Variants in UMAD1 observed in about 807,000 individuals in gnomAD.
UMAD1 encodes the protein UBAP1-MVB12-associated (UMA)-domain containing protein 1.
A neutral mutation model predicts 6.1 loss-of-function variants in UMAD1; 8 were observed. The observed-to-expected ratio is 1.30, with a 90% CI of 0.76 to 2.35. UMAD1 has a LOEUF of 2.35. Ranked by LOEUF, UMAD1 falls within the 30% of genes most tolerant of loss-of-function variation. UMAD1 has a pLI of 0.00. For missense variants in UMAD1, 130 were observed against 78.4 expected (o/e 1.66, Z -2.49); for synonymous variants, 56 against 31.4 (o/e 1.78, Z -2.61).
intron 3 of UMAD1, among the ~76,000 whole-genome samples, chr7:7,874,264 C>G (rs933283147): frequency 1.3e-5 from 2 of 152,200 alleles, no homozygotes; most frequent in Non-Finnish European, 2.9e-5. Flanking sequence ...CTGCTCTAAT[C>G]GACTTCATAA....
At chr7:7,753,071 A>G (rs17137257) in intron 2 of UMAD1, among the ~76,000 whole-genome samples, 22,955 of 152,144 alleles carry the variant, frequency 0.15, 1,809 homozygotes, top group Middle Eastern at 0.19. Flanking sequence ...GTAAGCCCAA[A>G]AAGAAAATAC....
intron 3 of UMAD1, among the ~76,000 whole-genome samples, chr7:7,838,944 A>G (rs1326263980): frequency 2.6e-5 from 4 of 152,216 alleles, no homozygotes; most frequent in Non-Finnish European, 5.9e-5. Context: ...ATGTAGCTAT[A>G]AAGAAGAGCA....
At chr7:7,779,881 C>T (rs1289745553) in intron 2 of UMAD1, among the ~76,000 whole-genome samples, 1 of 152,110 alleles carries the variant, frequency 6.6e-6, no homozygotes, top group Non-Finnish European at 1.5e-5. Context: ...TGAACTCAAG[C>T]GATCCGCCAG....
intron 3 of UMAD1, among the ~76,000 whole-genome samples, chr7:7,876,467 G>A (rs936012306): frequency 6.6e-6 from 1 of 152,166 alleles, no homozygotes; most frequent in Non-Finnish European, 1.5e-5. Context: ...GGTTCCAGGT[G>A]CTTGTAGTGG....
chr7:7,675,998 C>G, intron 2 of UMAD1: 2 of 395,366 alleles, frequency 5.1e-6, no homozygotes, highest in Non-Finnish European at 8.9e-6. Context: ...GGTACCATTA[C>G]TCTCCTGAAG....
chr7:7,840,811 T>C (rs961764815), intron 3 of UMAD1, among the ~76,000 whole-genome samples: 3 of 152,166 alleles, frequency 2.0e-5, no homozygotes, highest in African/African-American at 7.2e-5. Flanking sequence ...AAGTTCCTAA[T>C]AAAGTTTGGC....
intron 2 of UMAD1, among the ~76,000 whole-genome samples, chr7:7,766,267 G>C (rs1220335786): frequency 6.6e-6 from 1 of 152,126 alleles, no homozygotes; most frequent in Non-Finnish European, 1.5e-5. Context: ...CTTATTCCAG[G>C]CATGCCCAAT....
intron 3 of UMAD1, among the ~76,000 whole-genome samples, chr7:7,849,604 TA>T (rs1783875346): frequency 6.6e-6 from 1 of 152,120 alleles, no homozygotes; most frequent in Non-Finnish European, 1.5e-5. Flanking sequence ...GTGTCTACTG[TA>T]TACCAGGTAT....
chr7:7,844,558 A>G (rs908092562), intron 3 of UMAD1, among the ~76,000 whole-genome samples: 2 of 152,186 alleles, frequency 1.3e-5, no homozygotes, highest in African/African-American at 4.8e-5. Context: ...ATTGATGTTA[A>G]GATCAAAATG....
At chr7:7,642,805 A>G (rs761465523) in intron 1 of UMAD1, among the ~76,000 whole-genome samples, 1 of 152,186 alleles carries the variant, frequency 6.6e-6, no homozygotes, top group South Asian at 2.1e-4. Flanking sequence ...CCTCCTTGCT[A>G]CAGCCATAAG....
intron 1 of UMAD1, among the ~76,000 whole-genome samples, chr7:7,648,169 C>G (rs77780756): frequency 0.011 from 1,643 of 152,308 alleles, 31 homozygotes; most frequent in African/African-American, 0.036. Context: ...TCATTTCGTT[C>G]TAAATCAGGA....
At chr7:7,802,832 A>G (rs908516406) in intron 3 of UMAD1, among the ~76,000 whole-genome samples, 1 of 152,238 alleles carries the variant, frequency 6.6e-6, no homozygotes, top group African/African-American at 2.4e-5. Context: ...CAGTACAATC[A>G]TGAGTAATAA....
chr7:7,715,828 T>C (rs1370999597), intron 2 of UMAD1, among the ~76,000 whole-genome samples: 9 of 152,276 alleles, frequency 5.9e-5, no homozygotes, highest in Admixed American at 1.3e-4. Context: ...TCATATAAAA[T>C]AGAATAGCAT....
chr7:7,866,553 G>T (rs114954565), intron 3 of UMAD1, among the ~76,000 whole-genome samples: 1 of 152,186 alleles, frequency 6.6e-6, no homozygotes, highest in Non-Finnish European at 1.5e-5. Flanking sequence ...ATGAGCCAAG[G>T]CTCAGAACTA....
At chr7:7,803,832 C>G (rs766087) in intron 3 of UMAD1, among the ~76,000 whole-genome samples, 4,817 of 152,116 alleles carry the variant, frequency 0.032, 123 homozygotes, top group Middle Eastern at 0.058. Flanking sequence ...ATACAGTCGC[C>G]TTGGGGATTA....
chr7:7,794,811 A>T (rs898068355), intron 2 of UMAD1, among the ~76,000 whole-genome samples: 2 of 152,144 alleles, frequency 1.3e-5, no homozygotes, highest in Non-Finnish European at 2.9e-5. Context: ...CCCTTTCTAG[A>T]TCTTTCCCAG....
chr7:7,771,960 G>T (rs890443154), intron 2 of UMAD1, among the ~76,000 whole-genome samples: 1 of 151,832 alleles, frequency 6.6e-6, no homozygotes, highest in African/African-American at 2.4e-5. Context: ...ATGCTTGTAG[G>T]TATATATATC....
At chr7:7,644,809 C>T (rs1439402520) in intron 1 of UMAD1, among the ~76,000 whole-genome samples, 1 of 152,090 alleles carries the variant, frequency 6.6e-6, no homozygotes, top group Non-Finnish European at 1.5e-5. Flanking sequence ...ATTTTTGTCT[C>T]TTTGCTCTTC....
At chr7:7,836,135 C>T (rs1783563929) in intron 3 of UMAD1, among the ~76,000 whole-genome samples, 2 of 151,824 alleles carry the variant, frequency 1.3e-5, no homozygotes, top group South Asian at 2.1e-4. Context: ...ATAATTATAC[C>T]GACTTCCATA....
Sources: gnomAD v4.1 joint callset for allele counts (sites outside exome capture counted in the v4.1 genomes callset) on GRCh38, gnomAD v4.1.1 for gene constraint, MANE v1.5 for transcripts, NCBI Gene and HGNC (gene_info 2026-07-23, HGNC 2026-07-21) for gene names.